The following TULP3 variants were observed in gnomAD, a reference collection of about 807,000 sequenced individuals.
TULP3 encodes TUB like protein 3.
A neutral mutation model predicts 50.7 loss-of-function variants in TULP3; 38 were observed. The observed-to-expected ratio is 0.75, with a 90% CI of 0.58 to 0.98. The LOEUF is 0.98. Among genes scored for constraint, TULP3 ranks in the 50% least tolerant of loss-of-function variants. The probability of loss-of-function intolerance (pLI) is 0.00; values close to 1 mark genes in which losing one functional copy is unlikely to be tolerated. For missense variants in TULP3, 550 were observed against 568.0 expected, an observed-to-expected ratio of 0.97 and a Z score of 0.32; for synonymous variants, 183 against 196.6, an observed-to-expected ratio of 0.93 and a Z score of 0.58.
At chr12:2,928,732 C>T (rs1266951342) in intron 4 of TULP3, among the ~76,000 whole-genome samples, 3 of 151,786 alleles carry the variant, frequency 2.0e-5, no homozygotes. Flanking sequence ...CACCTGAGGT[C>T]AGGAGTTTGA....
At chr12:2,909,896 C>T (rs2098184465) in intron 2 of TULP3, among the ~76,000 whole-genome samples, 1 of 152,226 alleles carries the variant, frequency 6.6e-6, no homozygotes. Context: ...TAATTTGGTT[C>T]TGCTACCTTA....
intron 1 of TULP3, among the ~76,000 whole-genome samples, chr12:2,892,161 T>G (rs2098172498): frequency 6.6e-6 from 1 of 152,216 alleles, no homozygotes; most frequent in Admixed American, 6.5e-5. Flanking sequence ...TAAACCATTT[T>G]TAAAAATTGT....
intron 3 of TULP3, among the ~76,000 whole-genome samples, chr12:2,921,621 A>G (rs1236068034): frequency 6.6e-6 from 1 of 152,162 alleles, no homozygotes; most frequent in Non-Finnish European, 1.5e-5. Context: ...GAAGAATAAG[A>G]TTGTAAGTGC....
chr12:2,910,969 T>A (rs897598855), intron 2 of TULP3, among the ~76,000 whole-genome samples: 93 of 152,322 alleles, frequency 6.1e-4, no homozygotes, highest in African/African-American at 2.2e-3. Flanking sequence ...TTCTTAGGCA[T>A]CCTAGTATCG....
chr12:2,930,896 A>G (rs771645940), intron 5 of TULP3, 141 bp from the exon 6 acceptor site: 1 of 896,296 alleles, frequency 1.1e-6, no homozygotes, highest in South Asian at 1.4e-5. Flanking sequence ...TACTTAATTT[A>G]ACTTTTCAGT....
At position 2,939,412 on chromosome 12, in the gene TULP3, T is replaced by G. The variant is rs1216758183; in HGVS notation, c.1297T>G (p.Ser433Ala). The change falls in exon 11 of 11, where the codon TCT becomes GCT. Residue 433 changes from serine to alanine, a missense_variant. By Grantham distance (99) the Ser-to-Ala change is moderately conservative. Transcript: ENST00000448120. This position sits in a 1 kb window ranked among gnomAD's most constrained non-coding sequence, Gnocchi z 4.0. ...AGTACAGGCCTTTGGCATCGGTCTT[T>G]CTAGCTTTGACAGTAAGCTGGCGTG... ...CAVQAFGIGL[S>A]SFDSKLACE 1 of 1,614,226 alleles carries G rather than the reference T, an allele frequency of 6.2e-7. No homozygotes were observed. Among genetic ancestry groups the G allele is most frequent in the Admixed American group, 1.7e-5 (1 of 60,016 alleles).
At chr12:2,916,049 G>A (rs150243310) in intron 2 of TULP3, among the ~76,000 whole-genome samples, 1 of 151,932 alleles carries the variant, frequency 6.6e-6, no homozygotes, top group South Asian at 2.1e-4. Flanking sequence ...TTGCTCTGTT[G>A]CCCAGGCTGG....
intron 2 of TULP3, among the ~76,000 whole-genome samples, chr12:2,910,630 G>A (rs2098184926): frequency 6.6e-6 from 1 of 152,172 alleles, no homozygotes; most frequent in Non-Finnish European, 1.5e-5. Flanking sequence ...CAGTCAAGAT[G>A]TCTGGATTCA....
At chr12:2,895,107 C>A (rs1012862554) in intron 1 of TULP3, among the ~76,000 whole-genome samples, 2 of 152,118 alleles carry the variant, frequency 1.3e-5, no homozygotes, top group Non-Finnish European at 2.9e-5. Flanking sequence ...TTGTTTAGTT[C>A]ACTCAAAAGA....
intron 4 of TULP3, among the ~76,000 whole-genome samples, chr12:2,925,124 C>T (rs1034243339): frequency 2.6e-5 from 4 of 151,108 alleles, no homozygotes; most frequent in African/African-American, 9.7e-5. Context: ...GCCGAGATCA[C>T]GCCACTACAC....
chr12:2,906,191 C>T (rs951984530), intron 1 of TULP3, among the ~76,000 whole-genome samples: 7 of 151,082 alleles, frequency 4.6e-5, no homozygotes, highest in Non-Finnish European at 7.4e-5. Flanking sequence ...CCACCATACC[C>T]GGCTAATTTT....
chr12:2,903,828 G>C (rs1253334802), intron 1 of TULP3, among the ~76,000 whole-genome samples: 1 of 152,002 alleles, frequency 6.6e-6, no homozygotes, highest in East Asian at 1.9e-4. Flanking sequence ...TGCCCAGGCT[G>C]GAGTGCAGTC....
chr12:2,898,676 A>C (rs1030112808), intron 1 of TULP3, among the ~76,000 whole-genome samples: 3 of 152,110 alleles, frequency 2.0e-5, no homozygotes, highest in Non-Finnish European at 2.9e-5. Context: ...CTTCCTGCAC[A>C]GTGATAATTT....
At chr12:2,906,629 T>C (rs1229335836) in intron 1 of TULP3, among the ~76,000 whole-genome samples, 1 of 151,406 alleles carries the variant, frequency 6.6e-6, no homozygotes. Context: ...GCGTCTGGCC[T>C]AATTTTTTTT....
intron 2 of TULP3, among the ~76,000 whole-genome samples, chr12:2,916,319 T>G (rs2098188670): frequency 6.6e-6 from 1 of 152,230 alleles, no homozygotes; most frequent in Admixed American, 6.5e-5. Context: ...ATTATTTTAT[T>G]GGATAAAGTT....
intron 1 of TULP3, among the ~76,000 whole-genome samples, chr12:2,893,934 A>C (rs1045147803): frequency 6.6e-6 from 1 of 152,084 alleles, no homozygotes; most frequent in Admixed American, 6.6e-5. Context: ...GTGAGCGACC[A>C]GGCTTGGCCT....
At chr12:2,898,094 A>AAT (rs2098176641) in intron 1 of TULP3, among the ~76,000 whole-genome samples, 1 of 151,520 alleles carries the variant, frequency 6.6e-6, no homozygotes, top group Admixed American at 6.6e-5. Flanking sequence ...AAAAAAAAAA[A>AAT]AAAAGATATA....
At chr12:2,911,128 G>C (rs1226146880) in intron 2 of TULP3, among the ~76,000 whole-genome samples, 1 of 150,698 alleles carries the variant, frequency 6.6e-6, no homozygotes, top group African/African-American at 2.4e-5. Flanking sequence ...TTTTGTAATT[G>C]TATTCTTTTC....
intron 2 of TULP3, among the ~76,000 whole-genome samples, chr12:2,918,421 T>A (rs1295274217): frequency 1.3e-5 from 2 of 151,034 alleles, no homozygotes; most frequent in Non-Finnish European, 3.0e-5. Flanking sequence ...CTACAGTATG[T>A]GATTTTGTTT....
Sources: gnomAD v4.1 joint callset for allele counts (sites outside exome capture counted in the v4.1 genomes callset) on GRCh38, gnomAD v4.1.1 for gene constraint, Gnocchi (gnomAD v3.1) non-coding constraint, MANE v1.5 for transcripts, NCBI Gene and HGNC (gene_info 2026-07-23, HGNC 2026-07-21) for gene names.